IGDCC4: variants seen among roughly 807,000 people sequenced by gnomAD.
The protein encoded by IGDCC4 is likely ortholog of mouse neighbor of Punc E11.
A neutral mutation model predicts 116.6 loss-of-function variants in IGDCC4; 72 were observed. The observed-to-expected ratio is 0.62, with a 90% CI of 0.51 to 0.75. IGDCC4 has a LOEUF of 0.75. Ranked by LOEUF, IGDCC4 falls within the 30% of genes least tolerant of loss-of-function variation. The probability of loss-of-function intolerance (pLI) is 0.00; values close to 1 mark genes in which losing one functional copy is unlikely to be tolerated. For missense variants in IGDCC4, 1,501 were observed against 1,662.4 expected, an observed-to-expected ratio of 0.90 and a Z score of 1.69; for synonymous variants, 709 against 719.9, an observed-to-expected ratio of 0.98 and a Z score of 0.24.
At chr15:65,421,205 C>A (rs1005870928) in intron 1 of IGDCC4, among the ~76,000 whole-genome samples, 7 of 152,208 alleles carry the variant, frequency 4.6e-5, no homozygotes, top group African/African-American at 1.7e-4. Context: ...AAGCTGGGTC[C>A]CTCGCGGCAG....
In IGDCC4 at chr15:65,393,491, CTG is replaced by C. The variant is rs1472354241; in HGVS notation, c.1753_1754del (p.Gln585AlafsTer86). The C allele has an allele frequency of 6.2e-7, 1 of 1,609,218 alleles. No individual in the cohort carries two copies. On this transcript the variant is annotated frameshift_variant, in exon 10 of 20. Coordinates refer to ENST00000352385, the MANE Select transcript of IGDCC4 (RefSeq NM_020962.3). LOFTEE classifies it high-confidence loss of function. This position sits in a 1 kb window ranked among gnomAD's most constrained non-coding sequence, Gnocchi z 4.6. ...FSTEVRGNET[Q>X]LMLNSLQPNK... ...TTGGCTGAAGCGAGTTCAGCATAAGCTGTGTCTCATTTCCTCGCACCTCAGTA... is the reference window on the plus strand; with the variant it reads ...TTGGCTGAAGCGAGTTCAGCATAAGCTGTCTCATTTCCTCGCACCTCAGTA...
chr15:65,391,825 G>A (rs997527099), intron 12 of IGDCC4, 55 bp downstream of exon 12: 18 of 1,494,364 alleles, frequency 1.2e-5, no homozygotes, highest in South Asian at 3.4e-5. Flanking sequence ...AAGAGGAAGC[G>A]GCTAGCAGAG....
intron 3 of IGDCC4, among the ~76,000 whole-genome samples, chr15:65,406,712 C>T (rs1368488725): frequency 2.6e-5 from 4 of 152,132 alleles, no homozygotes; most frequent in Non-Finnish European, 5.9e-5. Flanking sequence ...CTTTATTCCC[C>T]CCACACAATG....
chr15:65,408,040 G>C (rs2140228522), intron 3 of IGDCC4, among the ~76,000 whole-genome samples: 1 of 151,578 alleles, frequency 6.6e-6, no homozygotes, highest in Admixed American at 6.6e-5. Flanking sequence ...AGTGTTGGGA[G>C]TACAGGCGTG....
chr15:65,388,292 CAA>C lies in IGDCC4; in HGVS notation c.2845+155_2845+156del, dbSNP rs374922461. On this transcript the variant is annotated intron_variant, in intron 16 of 19. Coordinates refer to ENST00000352385, the MANE Select transcript of IGDCC4 (RefSeq NM_020962.3). Reference sequence around the variant, plus strand: ...TCCCCCACGAACCTGGCCTCTGAATCAAGTTATCACTGAACCACACCTATTTC... The same window carrying C: ...TCCCCCACGAACCTGGCCTCTGAATCGTTATCACTGAACCACACCTATTTC... Among the ~76,000 whole-genome samples, 549 of 151,634 alleles carry C rather than the reference CAA, an allele frequency of 3.6e-3. 3 individuals are homozygous for C. Among genetic ancestry groups the C allele is most frequent in the African/African-American group, 0.013 (531 of 41,338 alleles).
Position 65,385,721 on chromosome 15 carries a change from A to G in IGDCC4, c.3180+110T>C, listed in dbSNP as rs1202603835. The G allele has an allele frequency of 8.7e-6, 8 of 914,724 alleles. No individual in the cohort carries two copies. The East Asian group carries it at 1.4e-4, about 17-fold the overall frequency. The allele number at this position is 914,724 out of a possible 1,614,324, so 56.7% of individuals were successfully genotyped here. On this transcript the variant is annotated intron_variant, in intron 18 of 19. Transcript: ENST00000352385. ...GAGGGAGAGAGGCCCTAGCGTCCGC[A>G]GCCGGCTCCGAAGAGGAGGTAGAGC...
intron 1 of IGDCC4, among the ~76,000 whole-genome samples, chr15:65,411,960 G>A (rs1326979711): frequency 6.6e-6 from 1 of 152,206 alleles, no homozygotes; most frequent in African/African-American, 2.4e-5. Context: ...CCACTGAGTT[G>A]AACACTGTAA....
At chr15:65,403,467 T>C (rs965801948) in intron 3 of IGDCC4, among the ~76,000 whole-genome samples, 1 of 152,206 alleles carries the variant, frequency 6.6e-6, no homozygotes. Context: ...TTGCCCATAC[T>C]ACCTTCTCCC....
chr15:65,396,617 C>G (rs2062929720), intron 6 of IGDCC4, among the ~76,000 whole-genome samples: 2 of 152,102 alleles, frequency 1.3e-5, no homozygotes, highest in South Asian at 4.1e-4. Flanking sequence ...TTAATCACCC[C>G]TCTCGCTCCA....
chr15:65,422,850 C>G lies in IGDCC4; in HGVS notation c.13G>C (p.Asp5His), dbSNP rs755306114. The change falls in exon 1 of 20, where the codon GAC becomes CAC. Residue 5 changes from aspartate (D) to histidine (H), a missense_variant. Physicochemically the swap from Asp to His is moderately conservative, Grantham distance 81. Transcript: ENST00000352385. MARGDAGRGRGLLAL... is the reference protein window; with the variant it reads MARGHAGRGRGLLAL... ...AGGAGCCCGCGGCCGCGGCCGGCGTCCCCCCGCGCCATGGGGCTGGGCTCG... is the reference window on the plus strand; with the variant it reads ...AGGAGCCCGCGGCCGCGGCCGGCGTGCCCCCGCGCCATGGGGCTGGGCTCG... 1.7e-6 allele frequency: 2 copies of G among 1,190,344 alleles called. No homozygotes were observed. The highest frequency in any genetic ancestry group is 3.2e-5 in the South Asian group (1 of 31,476). 73.7% of individuals were successfully genotyped at this position (1,190,344 alleles called of 1,614,324 possible). A position where few individuals can be genotyped will look rare whatever the true frequency, so the allele number is the denominator to read the frequency against.
chr15:65,394,613 G>C, intron 8 of IGDCC4, 65 bp from the exon 9 acceptor site: 1 of 1,488,422 alleles, frequency 6.7e-7, no homozygotes, highest in South Asian at 1.3e-5. Context: ...CTCGGGAGCG[G>C]TCAGAGACTT....
chr15:65,395,652 G>A (rs1464949637), intron 7 of IGDCC4, 98 bp downstream of exon 7: 3 of 1,271,356 alleles, frequency 2.4e-6, no homozygotes, highest in Admixed American at 3.2e-5. Context: ...TGCCGCAGAG[G>A]TACCCATCAG....
Position 65,422,377 on chromosome 15 carries a change from C to T in IGDCC4, c.70+416G>A, listed in dbSNP as rs531543466. Among the ~76,000 whole-genome samples the T allele has an allele frequency of 2.6e-5, 4 of 152,066 alleles. No individual in the cohort carries two copies. The South Asian group carries it at 8.3e-4, about 32-fold the overall frequency. ...GCAGACACAACCCCAGTTCCCTCCT[C>T]TTTTACACACACTCTCAACCCAAGA... On this transcript the variant is annotated intron_variant, in intron 1 of 19. Coordinates refer to ENST00000352385, the MANE Select transcript of IGDCC4 (RefSeq NM_020962.3).
chr15:65,410,499 C>T, intron 2 of IGDCC4, 180 bp from the exon 3 acceptor site: 1 of 670,498 alleles, frequency 1.5e-6, no homozygotes, highest in East Asian at 2.8e-5. Context: ...CGGTCAGATA[C>T]TGCCAGCAGA....
At chr15:65,398,992 T>C (rs1163981730) in intron 5 of IGDCC4, among the ~76,000 whole-genome samples, 1 of 152,178 alleles carries the variant, frequency 6.6e-6, no homozygotes, top group Non-Finnish European at 1.5e-5. Context: ...GGGTCAGGAA[T>C]GAAGCTCCTT....
In IGDCC4 at chr15:65,396,852, C is replaced by A. The variant is rs760865195; in HGVS notation, c.979G>T (p.Ala327Ser). The A allele has an allele frequency of 1.9e-6, 3 of 1,574,438 alleles. No individual in the cohort carries two copies. Among genetic ancestry groups the A allele is most frequent in the East Asian group, 2.3e-5 (1 of 42,836 alleles). Residue 327 changes from alanine to serine, a missense_variant, in exon 6 of 20, where the codon GCT (alanine) becomes TCT (serine). By Grantham distance (99) the Ala-to-Ser change is moderately conservative (BLOSUM62 1). Around this residue, in one of 3 missense-constraint regions of IGDCC4, gnomAD observed 898 missense variants for 978.9 expected, o/e 0.92. Transcript: ENST00000352385. Reference sequence around the variant, plus strand: ...GCCTCACCCAGCACACGGAGCTCAGCGGCTGCAGTGGCGAAGTCGCGCGTG... The same window carrying A: ...GCCTCACCCAGCACACGGAGCTCAGAGGCTGCAGTGGCGAAGTCGCGCGTG... ...PRTRDFATAA[A>S]ELRVLAAPAI...
At chr15:65,414,886 C>T (rs145146985) in intron 1 of IGDCC4, among the ~76,000 whole-genome samples, 154 of 152,336 alleles carry the variant, frequency 1.0e-3, no homozygotes, top group African/African-American at 3.5e-3. Flanking sequence ...AAGTGATCTG[C>T]CTGCCTTGGC....
rs749877604 is a variant in IGDCC4 at position 65,392,127 on chromosome 15, T to G, written c.2122+7A>C. ...CCCTCCCTCCCCCTCCCCCCAGCCC[T>G]CCTCACCTAGCTGGGTCAGCTCATA... On this transcript the variant is annotated splice_region_variant and intron_variant, in intron 11 of 19. Transcript: ENST00000352385. The G allele has an allele frequency of 7.5e-6, 8 of 1,068,344 alleles. No individual in the cohort carries two copies. Among genetic ancestry groups the G allele is most frequent in the African/African-American group, 1.8e-5 (1 of 56,728 alleles). 66.2% of individuals were successfully genotyped at this position (1,068,344 alleles called of 1,614,324 possible).
At position 65,385,973 on chromosome 15, in the gene IGDCC4, G is replaced by A. The variant is rs561758550; in HGVS notation, c.3038C>T (p.Pro1013Leu). 2 of 1,594,422 alleles carry A rather than the reference G, an allele frequency of 1.3e-6. No homozygotes were observed. The highest frequency in any genetic ancestry group is 3.5e-5 in the Admixed American group (2 of 56,834). ...AAGGGACTCCAATTCATGGGCAGCTGGGGGGCTGGGGGGGCCAAGCCGAGC... is the reference window on the plus strand; with the variant it reads ...AAGGGACTCCAATTCATGGGCAGCTAGGGGGCTGGGGGGGCCAAGCCGAGC... ...SRARLGPPSP[P>L]AAHELESLVH... is the part of the protein sequence containing the mutation. Residue 1013 changes from proline (P) to leucine (L), a missense_variant, in exon 18 of 20, where the codon CCA becomes CTA. By Grantham distance (98) the Pro-to-Leu change is moderately conservative. Coordinates refer to ENST00000352385, the MANE Select transcript of IGDCC4 (RefSeq NM_020962.3).
Sources: gnomAD v4.1 joint callset for allele counts (sites outside exome capture counted in the v4.1 genomes callset) on GRCh38, gnomAD v4.1.1 for gene constraint, gnomAD v4.1.1 regional missense constraint, Gnocchi (gnomAD v3.1) non-coding constraint, MANE v1.5 for transcripts, NCBI Gene and HGNC (gene_info 2026-07-23, HGNC 2026-07-21) for gene names.